The following DPP10 variants were observed in gnomAD, a reference collection of about 807,000 sequenced individuals.
DPP10 encodes inactive dipeptidyl peptidase 10.
DPP10 carries 33 observed loss-of-function variants against 120.9 expected under a neutral mutation model. The ratio of observed to expected loss-of-function variants is 0.27; its 90% CI spans 0.21 to 0.37. DPP10 has a LOEUF of 0.37. Among genes scored for constraint, DPP10 ranks in the 10% least tolerant of loss-of-function variants. The probability of loss-of-function intolerance (pLI) is 1.00; values close to 1 mark genes in which losing one functional copy is unlikely to be tolerated. For missense variants in DPP10, 816 were observed against 942.8 expected, an observed-to-expected ratio of 0.87 and a Z score of 1.76; for synonymous variants, 337 against 326.1, an observed-to-expected ratio of 1.03 and a Z score of -0.36.
chr2:115,435,708 A>G (rs2071431003), intron 3 of DPP10, among the ~76,000 whole-genome samples: 1 of 151,782 alleles, frequency 6.6e-6, no homozygotes. Context: ...GCTTGATTTA[A>G]TCCCATTTGT....
At chr2:114,664,809 G>A (rs1056281339) in intron 1 of DPP10, among the ~76,000 whole-genome samples, 6 of 151,176 alleles carry the variant, frequency 4.0e-5, no homozygotes, top group African/African-American at 1.2e-4. Flanking sequence ...TCCAAAAGGT[G>A]GCAGAGAGCA....
chr2:114,618,569 G>A (rs565123074), intron 1 of DPP10, among the ~76,000 whole-genome samples: 9 of 152,078 alleles, frequency 5.9e-5, no homozygotes, highest in Admixed American at 3.9e-4. Flanking sequence ...GTGTGGGGAG[G>A]CGGTGCTTTT....
intron 1 of DPP10, among the ~76,000 whole-genome samples, chr2:114,518,580 C>T (rs1004097527): frequency 6.6e-5 from 10 of 152,134 alleles, no homozygotes; most frequent in Admixed American, 1.3e-4. Context: ...GATGCTTGCT[C>T]ACCTCCTGCA....
intron 1 of DPP10, among the ~76,000 whole-genome samples, chr2:114,649,389 C>T (rs1573882147): frequency 6.6e-6 from 1 of 151,284 alleles, no homozygotes. Flanking sequence ...TGCTCTGTCA[C>T]CCAGGCTGGA....
At chr2:114,965,566 G>A (rs1190883878) in intron 1 of DPP10, among the ~76,000 whole-genome samples, 1 of 152,156 alleles carries the variant, frequency 6.6e-6, no homozygotes, top group Non-Finnish European at 1.5e-5. Flanking sequence ...CATTGTTAGA[G>A]TAGAGGTGAG....
chr2:114,624,488 T>G (rs1465346823), intron 1 of DPP10, among the ~76,000 whole-genome samples: 2 of 151,948 alleles, frequency 1.3e-5, no homozygotes, highest in Non-Finnish European at 2.9e-5. Flanking sequence ...TCATATGAAA[T>G]TAGAAGCACC....
At chr2:115,439,350 C>T (rs979565213) in intron 3 of DPP10, among the ~76,000 whole-genome samples, 8 of 152,098 alleles carry the variant, frequency 5.3e-5, no homozygotes, top group African/African-American at 7.2e-5. Flanking sequence ...TTAATGAGTA[C>T]GAAATTTCAG....
intron 5 of DPP10, among the ~76,000 whole-genome samples, chr2:115,651,690 T>C (rs533186785): frequency 3.9e-5 from 6 of 152,052 alleles, no homozygotes; most frequent in African/African-American, 1.4e-4. Context: ...GATCATACCA[T>C]ATGGGGACTG....
chr2:114,850,342 G>A (rs938016577), intron 1 of DPP10, among the ~76,000 whole-genome samples: 1 of 152,058 alleles, frequency 6.6e-6, no homozygotes, highest in Non-Finnish European at 1.5e-5. Context: ...ATTTTTAAAG[G>A]AAATTACTCA....
chr2:115,842,301 G>C lies in DPP10; in HGVS notation c.2347G>C (p.Glu783Gln). The change falls in exon 26 of 26, where the codon GAA (glutamate) becomes CAA (glutamine). Residue 783 changes from glutamate to glutamine, a missense_variant. By Grantham distance (29) the Glu-to-Gln change is conservative (BLOSUM62 2). Transcript: ENST00000410059. ...ILKFFSDCLK[E>Q]EISVLPQEPE... ...CAAATTCTTCAGTGATTGTTTGAAGGAAGAAATATCTGTGCTACCACAGGA... is the reference window on the plus strand; with the variant it reads ...CAAATTCTTCAGTGATTGTTTGAAGCAAGAAATATCTGTGCTACCACAGGA... 1 of 1,613,956 alleles carries C rather than the reference G, an allele frequency of 6.2e-7. No homozygotes were observed.
At chr2:115,791,031 T>C (rs1342184360) in intron 17 of DPP10, 50 bp from the exon 18 acceptor site, 1 of 1,344,092 alleles carries the variant, frequency 7.4e-7, no homozygotes, top group Admixed American at 2.0e-5. Flanking sequence ...ACACTGATTC[T>C]GTTTAATGCA....
At chr2:115,788,896 A>T (rs1057105073) in intron 17 of DPP10, among the ~76,000 whole-genome samples, 3 of 152,046 alleles carry the variant, frequency 2.0e-5, no homozygotes, top group African/African-American at 4.8e-5. Context: ...GCGGGTGGAG[A>T]TCGTGAGGTC....
chr2:115,837,370 T>C (rs1689642924), intron 24 of DPP10, among the ~76,000 whole-genome samples: 1 of 152,194 alleles, frequency 6.6e-6, no homozygotes, highest in Non-Finnish European at 1.5e-5. Context: ...TATATTTTAT[T>C]ATCCTCTGTG....
intron 8 of DPP10, among the ~76,000 whole-genome samples, chr2:115,736,698 A>T (rs1205492040): frequency 6.6e-6 from 1 of 152,170 alleles, no homozygotes; most frequent in Non-Finnish European, 1.5e-5. Context: ...GTGGCAAAAA[A>T]TTCACGTGCC....
chr2:114,639,670 A>C (rs1695563058), intron 1 of DPP10, among the ~76,000 whole-genome samples: 1 of 151,922 alleles, frequency 6.6e-6, no homozygotes, highest in African/African-American at 2.4e-5. Flanking sequence ...TTATATTAAA[A>C]ATTATTTCAT....
At chr2:115,371,185 CT>C (rs1380140573) in intron 3 of DPP10, among the ~76,000 whole-genome samples, 14 of 152,074 alleles carry the variant, frequency 9.2e-5, no homozygotes, top group Admixed American at 9.2e-4. Context: ...TAGTCTACAA[CT>C]TTTGCTTTCA....
chr2:114,829,051 G>C (rs1286065139), intron 1 of DPP10, among the ~76,000 whole-genome samples: 1 of 152,114 alleles, frequency 6.6e-6, no homozygotes, highest in Non-Finnish European at 1.5e-5. Context: ...CATTTTGGGA[G>C]ACCGAGGAGA....
chr2:115,024,034 A>C (rs1703271108), intron 1 of DPP10, among the ~76,000 whole-genome samples: 1 of 152,084 alleles, frequency 6.6e-6, no homozygotes, highest in Non-Finnish European at 1.5e-5. Context: ...GTGAGGGATA[A>C]AAGACTACAC....
intron 1 of DPP10, among the ~76,000 whole-genome samples, chr2:114,681,217 C>T (rs1214254877): frequency 6.6e-6 from 1 of 151,932 alleles, no homozygotes; most frequent in African/African-American, 2.4e-5. Context: ...TTTTTAAACA[C>T]CATCATGCCA....
Sources: gnomAD v4.1 joint callset for allele counts (sites outside exome capture counted in the v4.1 genomes callset) on GRCh38, gnomAD v4.1.1 for gene constraint, MANE v1.5 for transcripts, NCBI Gene and HGNC (gene_info 2026-07-23, HGNC 2026-07-21) for gene names.